The following WWOX variants were observed in gnomAD, a reference collection of about 807,000 sequenced individuals.
WWOX encodes the protein WW domain containing oxidoreductase.
Under a neutral mutation model 46.2 loss-of-function variants are expected in WWOX, and 69 were observed. That is an observed-to-expected ratio of 1.49 (90% CI 1.23 to 1.82). The LOEUF is 1.82. Among genes scored for constraint, WWOX ranks in the 40% most tolerant of loss-of-function variants. The pLI is 0.00. For missense variants in WWOX, 919 were observed against 542.6 expected, an observed-to-expected ratio of 1.69 and a Z score of -6.89; for synonymous variants, 359 against 202.6, an observed-to-expected ratio of 1.77 and a Z score of -6.56.
At chr16:78,238,889 G>A (rs1456500756) in intron 5 of WWOX, among the ~76,000 whole-genome samples, 1 of 134,640 alleles carries the variant, frequency 7.4e-6, no homozygotes, top group African/African-American at 2.6e-5. Context: ...AAAGTGCTGG[G>A]ATTACAGTAC....
intron 8 of WWOX, among the ~76,000 whole-genome samples, chr16:78,698,254 T>A (rs2048141601): frequency 6.6e-6 from 1 of 152,174 alleles, no homozygotes; most frequent in Non-Finnish European, 1.5e-5. Flanking sequence ...AAGACTCAGA[T>A]GAGGTTCTTG....
intron 8 of WWOX, among the ~76,000 whole-genome samples, chr16:78,506,748 T>C (rs2667601): frequency 0.92 from 128,797 of 140,332 alleles, 59,569 homozygotes; most frequent in Non-Finnish European, 0.97. Context: ...CTTGCTCTGT[T>C]GTCCAGGCTG....
intron 8 of WWOX, among the ~76,000 whole-genome samples, chr16:78,823,775 C>A (rs532235123): frequency 8.4e-6 from 1 of 119,266 alleles, no homozygotes; most frequent in African/African-American, 2.9e-5. Flanking sequence ...GCTTTCTAGA[C>A]TTGTTATTTT....
At chr16:79,018,426 C>G (rs930639813) in intron 8 of WWOX, among the ~76,000 whole-genome samples, 10 of 152,066 alleles carry the variant, frequency 6.6e-5, no homozygotes, top group African/African-American at 1.9e-4. Flanking sequence ...ATACTTTATC[C>G]AAAAGCGGAT....
At chr16:78,689,447 T>G (rs1017047464) in intron 8 of WWOX, among the ~76,000 whole-genome samples, 1 of 152,200 alleles carries the variant, frequency 6.6e-6, no homozygotes, top group Non-Finnish European at 1.5e-5. Flanking sequence ...TGACCAAACT[T>G]TAGCTCAGCT....
chr16:78,519,448 T>C (rs1567618727), intron 8 of WWOX, among the ~76,000 whole-genome samples: 1 of 151,976 alleles, frequency 6.6e-6, no homozygotes, highest in Non-Finnish European at 1.5e-5. Context: ...TCTAATGTGT[T>C]TCCTTCTAAT....
At chr16:78,848,438 GCTCTGAGTGTTTAT>G in intron 8 of WWOX, among the ~76,000 whole-genome samples, 1 of 152,276 alleles carries the variant, frequency 6.6e-6, no homozygotes, top group Non-Finnish European at 1.5e-5. Context: ...AAAATGTAAG[GCTCTGAGTGTTTAT>G]CAGCTCACAC....
rs931081382 is a variant in WWOX at position 79,058,986 on chromosome 16, C to G, written c.1057-152622C>G. On this transcript the variant is annotated intron_variant, in intron 8 of 8. Coordinates refer to ENST00000566780, the MANE Select transcript of WWOX (RefSeq NM_016373.4). ...CCTTAAATCTGATTTAAAAGGAAAA[C>G]AATGACTATTATACAGATTTATGGC... 2.6e-5 allele frequency among the ~76,000 whole-genome samples: 4 copies of G among 152,114 alleles called. 1 individual carries two copies. In the South Asian group the frequency reaches 8.3e-4, roughly 32 times the overall value.
intron 8 of WWOX, among the ~76,000 whole-genome samples, chr16:78,717,679 C>T (rs148855738): frequency 6.6e-6 from 1 of 152,258 alleles, no homozygotes; most frequent in East Asian, 1.9e-4. Flanking sequence ...CAAGAAGAGG[C>T]ACTGAAGGGC....
rs148912701 is a variant in WWOX at position 78,901,786 on chromosome 16, G to A, written c.1057-309822G>A. On this transcript the variant is annotated intron_variant, in intron 8 of 8. Transcript: ENST00000566780. Reference sequence around the variant, plus strand: ...TTACAGGCGTGAGCCACTGCGCCTAGCGAGGTAGTCAGTGTTCTAAACACT... The same window carrying A: ...TTACAGGCGTGAGCCACTGCGCCTAACGAGGTAGTCAGTGTTCTAAACACT... 5.3e-5 allele frequency among the ~76,000 whole-genome samples: 8 copies of A among 152,362 alleles called. No homozygotes were observed. In the East Asian group the frequency reaches 1.5e-3, roughly 29 times the overall value.
intron 8 of WWOX, among the ~76,000 whole-genome samples, chr16:78,638,860 T>C (rs1357933490): frequency 6.6e-6 from 1 of 152,174 alleles, no homozygotes; most frequent in Admixed American, 6.5e-5. Flanking sequence ...AATTTTTTTT[T>C]TCTTCTATTT....
At chr16:78,194,113 C>T (rs1250935228) in intron 5 of WWOX, among the ~76,000 whole-genome samples, 5 of 151,660 alleles carry the variant, frequency 3.3e-5, no homozygotes, top group Admixed American at 6.6e-5. Flanking sequence ...CTCCTGACCT[C>T]GTGATCCGTC....
chr16:79,063,394 C>A (rs1263105277), intron 8 of WWOX, among the ~76,000 whole-genome samples: 2 of 152,152 alleles, frequency 1.3e-5, no homozygotes, highest in African/African-American at 4.8e-5. Context: ...GAATGCTGTC[C>A]ACAGGTTGCC....
chr16:78,966,984 T>G (rs966426125), intron 8 of WWOX, among the ~76,000 whole-genome samples: 10 of 152,310 alleles, frequency 6.6e-5, no homozygotes, highest in African/African-American at 2.4e-4. Flanking sequence ...TTATTAACAT[T>G]TATTATTGTC....
chr16:79,122,573 T>TCCCTCTCTCTTTCTCC lies in WWOX; in HGVS notation c.1057-89034_1057-89019dup, dbSNP rs1315504371. Reference sequence around the variant, plus strand: ...CCCTTCCTTCCCCTCATTCTTTCTTTCCCTCTCTCTTTCTCCGTCTTTCTT... The same window carrying TCCCTCTCTCTTTCTCC: ...CCCTTCCTTCCCCTCATTCTTTCTTTCCCTCTCTCTTTCTCCCCCTCTCTCTTTCTCCGTCTTTCTT... On this transcript the variant is annotated intron_variant, in intron 8 of 8. Coordinates refer to ENST00000566780, the MANE Select transcript of WWOX (RefSeq NM_016373.4). 7.9e-5 allele frequency among the ~76,000 whole-genome samples: 12 copies of TCCCTCTCTCTTTCTCC among 152,074 alleles called. No homozygotes were observed. In the South Asian group the frequency reaches 1.7e-3, roughly 21 times the overall value.
chr16:78,614,735 G>A (rs532378350), intron 8 of WWOX, among the ~76,000 whole-genome samples: 6 of 152,152 alleles, frequency 3.9e-5, no homozygotes, highest in African/African-American at 4.8e-5. Flanking sequence ...CTTCCTTGAC[G>A]TGTTTTATGT....
intron 8 of WWOX, among the ~76,000 whole-genome samples, chr16:79,100,931 T>C (rs991306542): frequency 2.0e-5 from 3 of 151,706 alleles, no homozygotes; most frequent in African/African-American, 7.3e-5. Flanking sequence ...GTTTTCTCCA[T>C]AGGGGTTAGG....
chr16:78,389,409 C>G (rs1181554398), intron 6 of WWOX, among the ~76,000 whole-genome samples: 2 of 152,168 alleles, frequency 1.3e-5, no homozygotes, highest in Non-Finnish European at 2.9e-5. Context: ...GCTGTCACCT[C>G]AGTTGTCAGC....
intron 5 of WWOX, among the ~76,000 whole-genome samples, chr16:78,359,881 G>A (rs545336990): frequency 3.3e-5 from 5 of 152,314 alleles, no homozygotes; most frequent in African/African-American, 1.2e-4. Flanking sequence ...GCAAAAACAT[G>A]AGGAATGAAT....
Sources: allele counts gnomAD v4.1 joint callset (sites outside exome capture counted in the v4.1 genomes callset), GRCh38; gene constraint gnomAD v4.1.1; transcripts MANE v1.5; gene names NCBI Gene and HGNC (gene_info 2026-07-23, HGNC 2026-07-21).